The following TTC27 variants were observed in gnomAD, a reference collection of about 807,000 sequenced individuals.
TTC27 encodes the protein tetratricopeptide repeat protein 27.
A neutral mutation model predicts 115.9 loss-of-function variants in TTC27; 79 were observed. That is an observed-to-expected ratio of 0.68 (90% CI 0.57 to 0.82). The LOEUF is 0.82. Ranked by LOEUF, TTC27 falls within the 40% of genes least tolerant of loss-of-function variation. The probability of loss-of-function intolerance (pLI) is 0.00; values close to 1 mark genes in which losing one functional copy is unlikely to be tolerated. For missense variants in TTC27, 1,054 were observed against 993.1 expected, an observed-to-expected ratio of 1.06 and a Z score of -0.82; for synonymous variants, 401 against 356.0, an observed-to-expected ratio of 1.13 and a Z score of -1.42.
intron 10 of TTC27, among the ~76,000 whole-genome samples, chr2:32,711,938 C>G (rs1396066696): frequency 1.4e-5 from 2 of 147,848 alleles, no homozygotes; most frequent in Admixed American, 6.7e-5. Context: ...GACTCTGTCT[C>G]AAAAAGAAAA....
At chr2:32,731,441 C>T (rs371728385) in intron 10 of TTC27, among the ~76,000 whole-genome samples, 2 of 152,292 alleles carry the variant, frequency 1.3e-5, no homozygotes, top group East Asian at 3.9e-4. Flanking sequence ...GTGGCACAAA[C>T]CTAGCTCACT....
intron 16 of TTC27, among the ~76,000 whole-genome samples, chr2:32,792,498 G>GTT (rs145134703): frequency 3.3e-5 from 5 of 150,958 alleles, no homozygotes; most frequent in African/African-American, 9.7e-5. Context: ...TTGTTTTTTG[G>GTT]TTTTTTTTTG....
At chr2:32,704,621 T>TA (rs1264461354) in intron 10 of TTC27, among the ~76,000 whole-genome samples, 1 of 152,214 alleles carries the variant, frequency 6.6e-6, no homozygotes, top group Non-Finnish European at 1.5e-5. Flanking sequence ...ACATCCTTTG[T>TA]AGCACAGGGA....
intron 5 of TTC27, among the ~76,000 whole-genome samples, chr2:32,651,038 C>A (rs898040821): frequency 3.3e-5 from 5 of 151,984 alleles, no homozygotes; most frequent in African/African-American, 1.2e-4. Context: ...AAAACAGATT[C>A]TCTTGTGGTG....
At chr2:32,646,226 C>T (rs994069140) in intron 4 of TTC27, among the ~76,000 whole-genome samples, 1 of 151,362 alleles carries the variant, frequency 6.6e-6, no homozygotes, top group African/African-American at 2.4e-5. Context: ...GACGGGGTTT[C>T]ACCATGTTAG....
intron 10 of TTC27, among the ~76,000 whole-genome samples, chr2:32,706,204 T>A (rs58267827): frequency 0.15 from 21,645 of 146,396 alleles, 2,058 homozygotes; most frequent in Middle Eastern, 0.29. Flanking sequence ...TGCCTCAGCC[T>A]CCTGAGTAGC....
At chr2:32,752,240 T>C (rs1669045177) in intron 12 of TTC27, among the ~76,000 whole-genome samples, 1 of 152,214 alleles carries the variant, frequency 6.6e-6, no homozygotes. Context: ...AAAATGCTGG[T>C]TCTCCCATTT....
intron 12 of TTC27, among the ~76,000 whole-genome samples, chr2:32,753,580 G>T (rs897207735): frequency 6.6e-6 from 1 of 151,846 alleles, no homozygotes; most frequent in African/African-American, 2.4e-5. Flanking sequence ...CTCCTGAGTA[G>T]CTGGGATTAC....
intron 3 of TTC27, 37 bp downstream of exon 3, chr2:32,634,042 A>G (rs1375114546): frequency 2.5e-6 from 4 of 1,579,036 alleles, no homozygotes; most frequent in Non-Finnish European, 3.4e-6. Context: ...AATTATTATT[A>G]TGTTATTTAT....
chr2:32,813,427 A>C (rs1444762086), intron 18 of TTC27, among the ~76,000 whole-genome samples: 1 of 152,252 alleles, frequency 6.6e-6, no homozygotes, highest in Admixed American at 6.5e-5. Context: ...CTCCAGGACC[A>C]GCTCTATCAC....
At chr2:32,760,894 G>A (rs1475339473) in intron 13 of TTC27, among the ~76,000 whole-genome samples, 1 of 152,050 alleles carries the variant, frequency 6.6e-6, no homozygotes, top group Non-Finnish European at 1.5e-5. Flanking sequence ...TCCTTCTCAG[G>A]CTCCCTTGCT....
chr2:32,664,801 T>G (rs1396863107), intron 6 of TTC27, among the ~76,000 whole-genome samples: 1 of 151,804 alleles, frequency 6.6e-6, no homozygotes, highest in African/African-American at 2.4e-5. Context: ...GCATTGCCCT[T>G]TCTTGTAAAT....
intron 13 of TTC27, among the ~76,000 whole-genome samples, chr2:32,771,735 A>G (rs1558335823): frequency 6.6e-6 from 1 of 152,192 alleles, no homozygotes; most frequent in Non-Finnish European, 1.5e-5. Context: ...AAAAATGAGC[A>G]TCAAGCATCA....
At chr2:32,786,008 A>G (rs1341958856) in intron 15 of TTC27, among the ~76,000 whole-genome samples, 5 of 151,992 alleles carry the variant, frequency 3.3e-5, no homozygotes, top group Admixed American at 2.6e-4. Flanking sequence ...GTTCCTTTTC[A>G]ATGTAAATTA....
chr2:32,639,128 G>A (rs746047029), intron 3 of TTC27, among the ~76,000 whole-genome samples: 20 of 152,124 alleles, frequency 1.3e-4, no homozygotes, highest in East Asian at 1.9e-4. Context: ...CACCGTGCCC[G>A]GCCCAGTTAT....
intron 9 of TTC27, among the ~76,000 whole-genome samples, chr2:32,691,310 T>TC (rs1407182009): frequency 6.6e-6 from 1 of 151,752 alleles, no homozygotes; most frequent in Admixed American, 6.6e-5. Flanking sequence ...ATTTACTTTT[T>TC]TTTTTTTTTT....
chr2:32,782,283 A>G (rs768719670), intron 14 of TTC27, among the ~76,000 whole-genome samples: 3 of 152,186 alleles, frequency 2.0e-5, no homozygotes, highest in Non-Finnish European at 2.9e-5. Context: ...TAAGATAGGA[A>G]AAAACAGTAT....
At chr2:32,706,210 G>A (rs1572533489) in intron 10 of TTC27, among the ~76,000 whole-genome samples, 4 of 149,632 alleles carry the variant, frequency 2.7e-5, no homozygotes, top group African/African-American at 9.8e-5. Flanking sequence ...AGCCTCCTGA[G>A]TAGCTGGGAT....
chr2:32,694,930 T>G (rs1666934453), intron 9 of TTC27, among the ~76,000 whole-genome samples: 1 of 152,046 alleles, frequency 6.6e-6, no homozygotes, highest in Admixed American at 6.6e-5. Context: ...CCTCCTGTCT[T>G]GGCCTCCCAA....
Sources: gnomAD v4.1 joint callset for allele counts (sites outside exome capture counted in the v4.1 genomes callset) on GRCh38, gnomAD v4.1.1 for gene constraint, MANE v1.5 for transcripts, NCBI Gene and HGNC (gene_info 2026-07-23, HGNC 2026-07-21) for gene names.